PCDH15: variants seen among roughly 807,000 people sequenced by gnomAD.
PCDH15 encodes the protein protocadherin-15.
PCDH15 carries 129 observed loss-of-function variants against 178.5 expected under a neutral mutation model. The ratio of observed to expected loss-of-function variants is 0.72; its 90% confidence interval spans 0.63 to 0.84. The LOEUF (loss-of-function observed/expected upper bound fraction) is 0.84. Among genes scored for constraint, PCDH15 ranks in the 40% least tolerant of loss-of-function variants. The probability of loss-of-function intolerance (pLI) is 0.00; values close to 1 mark genes in which losing one functional copy is unlikely to be tolerated. For missense variants in PCDH15, 2,230 were observed against 2,099.9 expected, an observed-to-expected ratio of 1.06 and a Z score of -1.21; for synonymous variants, 800 against 732.0, an observed-to-expected ratio of 1.09 and a Z score of -1.50.
At position 54,439,988 on chromosome 10, in the gene PCDH15, G is replaced by C. The variant is rs1454742628; in HGVS notation, c.158-61046C>G. Among the ~76,000 whole-genome samples the C allele has an allele frequency of 3.9e-5, 6 of 152,030 alleles. 1 individual carries two copies. The East Asian group carries it at 1.2e-3, about 29-fold the overall frequency. On this transcript the variant is annotated intron_variant, in intron 3 of 37. Coordinates refer to ENST00000644397, the MANE Select transcript of PCDH15 (RefSeq NM_001384140.1). Reference sequence around the variant, plus strand: ...TTTTCCACCTTGCAACATAAAACCTGATCTCTTTTTAAAGTCCTGGTTGTT... The same window carrying C: ...TTTTCCACCTTGCAACATAAAACCTCATCTCTTTTTAAAGTCCTGGTTGTT...
chr10:54,763,882 C>T (rs1948201277), intron 1 of PCDH15, among the ~76,000 whole-genome samples: 2 of 150,694 alleles, frequency 1.3e-5, no homozygotes, highest in South Asian at 2.1e-4. Flanking sequence ...AATATTTAGC[C>T]TTTTTCTAAG....
chr10:54,463,535 A>T (rs1384461542), intron 3 of PCDH15, among the ~76,000 whole-genome samples: 3 of 152,138 alleles, frequency 2.0e-5, no homozygotes, highest in South Asian at 2.1e-4. Flanking sequence ...ACTACGCCAA[A>T]GCCTTGCCAG....
At chr10:55,469,233 A>G (rs1839906362) in intron 2 of PCDH15, 2 of 152,250 alleles carry the variant, frequency 1.3e-5, no homozygotes, top group South Asian at 4.1e-4. Context: ...CTTGAAAGAA[A>G]CTAACACCTG....
intron 1 of PCDH15, among the ~76,000 whole-genome samples, chr10:54,705,573 CT>C (rs1293388623): frequency 6.6e-6 from 1 of 151,876 alleles, no homozygotes; most frequent in Admixed American, 6.6e-5. Flanking sequence ...TTTTTACAAC[CT>C]TTTGAATTTG....
chr10:54,829,906 T>A (rs1412021145), intron 3 of PCDH15, among the ~76,000 whole-genome samples: 2 of 152,134 alleles, frequency 1.3e-5, no homozygotes, highest in Non-Finnish European at 2.9e-5. Flanking sequence ...GGAGTACACC[T>A]ATAAATATTA....
At chr10:53,920,101 T>C (rs1372934473) in intron 25 of PCDH15, among the ~76,000 whole-genome samples, 1 of 152,152 alleles carries the variant, frequency 6.6e-6, no homozygotes, top group East Asian at 1.9e-4. Flanking sequence ...ACAGTATGGA[T>C]ACAAGATGAG....
At chr10:54,133,781 T>C (rs1298493189) in intron 14 of PCDH15, among the ~76,000 whole-genome samples, 1 of 152,000 alleles carries the variant, frequency 6.6e-6, no homozygotes, top group Non-Finnish European at 1.5e-5. Flanking sequence ...GTGGAAACAT[T>C]AGCTGAAATA....
At chr10:53,987,131 A>G (rs921206353) in intron 21 of PCDH15, among the ~76,000 whole-genome samples, 2 of 152,196 alleles carry the variant, frequency 1.3e-5, no homozygotes, top group African/African-American at 4.8e-5. Flanking sequence ...CTTTAATATA[A>G]AAATGGAGAT....
intron 1 of PCDH15, among the ~76,000 whole-genome samples, chr10:54,784,142 C>G (rs921707588): frequency 6.6e-6 from 1 of 151,952 alleles, no homozygotes. Flanking sequence ...CTCCACCTAG[C>G]CTCTTCCTTG....
intron 2 of PCDH15, among the ~76,000 whole-genome samples, chr10:55,423,724 A>G (rs60907053): frequency 0.011 from 1,601 of 152,144 alleles, 27 homozygotes; most frequent in African/African-American, 0.036. Flanking sequence ...TACGCAACAT[A>G]CCTTGATGTG....
At chr10:54,516,859 C>A (rs1177770410) in intron 3 of PCDH15, among the ~76,000 whole-genome samples, 1 of 152,198 alleles carries the variant, frequency 6.6e-6, no homozygotes, top group Non-Finnish European at 1.5e-5. Context: ...AACAGCAGAT[C>A]TCTCGGCAGA....
chr10:54,706,335 T>C (rs543967469), intron 1 of PCDH15, among the ~76,000 whole-genome samples: 1 of 152,286 alleles, frequency 6.6e-6, no homozygotes, highest in Admixed American at 6.5e-5. Flanking sequence ...AAAGTACTGT[T>C]AGAAATCAAA....
At chr10:54,944,155 T>C (rs1325925167) in intron 2 of PCDH15, among the ~76,000 whole-genome samples, 2 of 151,938 alleles carry the variant, frequency 1.3e-5, no homozygotes, top group African/African-American at 4.8e-5. Flanking sequence ...AAACTCATTT[T>C]TTAGAATTCC....
intron 1 of PCDH15, among the ~76,000 whole-genome samples, chr10:55,313,309 T>C (rs1404265589): frequency 1.3e-5 from 2 of 152,222 alleles, no homozygotes; most frequent in Non-Finnish European, 2.9e-5. Context: ...TCCCTTCTTT[T>C]CTGCAGCTCT....
intron 1 of PCDH15, among the ~76,000 whole-genome samples, chr10:55,248,802 C>G (rs1841751175): frequency 6.6e-6 from 1 of 152,058 alleles, no homozygotes; most frequent in South Asian, 2.1e-4. Context: ...AGTGATTCCC[C>G]CACCTCAGCC....
intron 1 of PCDH15, among the ~76,000 whole-genome samples, chr10:55,317,794 A>G (rs1365124888): frequency 6.6e-6 from 1 of 152,148 alleles, no homozygotes; most frequent in African/African-American, 2.4e-5. Flanking sequence ...GGGGAAAAGT[A>G]AAGACAGTTT....
intron 3 of PCDH15, among the ~76,000 whole-genome samples, chr10:54,519,073 G>T (rs1367784687): frequency 2.0e-5 from 3 of 152,030 alleles, no homozygotes; most frequent in Non-Finnish European, 2.9e-5. Flanking sequence ...AAAATAATAA[G>T]CGCTATCTAT....
intron 2 of PCDH15, among the ~76,000 whole-genome samples, chr10:54,601,940 C>T (rs139537390): frequency 1.3e-5 from 2 of 151,914 alleles, no homozygotes; most frequent in East Asian, 3.9e-4. Flanking sequence ...GATGAAAACA[C>T]ATGGACACAA....
intron 3 of PCDH15, among the ~76,000 whole-genome samples, chr10:54,494,440 A>C (rs778618118): frequency 3.3e-5 from 5 of 152,092 alleles, no homozygotes; most frequent in Non-Finnish European, 7.4e-5. Context: ...CCACTGATTA[A>C]CTGGAACAAA....
Sources: gnomAD v4.1 joint callset for allele counts (sites outside exome capture counted in the v4.1 genomes callset) on GRCh38, gnomAD v4.1.1 for gene constraint, MANE v1.5 for transcripts, NCBI Gene and HGNC (gene_info 2026-07-23, HGNC 2026-07-21) for gene names.